The following STK39 variants were observed in gnomAD, a reference collection of about 807,000 sequenced individuals.
STK39 encodes the protein serine/threonine kinase 39, also known as STE20/SPS1-related proline-alanine-rich protein kinase.
In STK39, 20 loss-of-function variants were observed where a neutral mutation model predicts 77.8. That is an observed-to-expected ratio of 0.26 (90% CI 0.18 to 0.37). The LOEUF (loss-of-function observed/expected upper bound fraction) is 0.37, where lower values mean the gene tolerates loss of function less well. STK39 is among the 10% of genes least tolerant of loss of function. The probability of loss-of-function intolerance (pLI) is 1.00; values close to 1 mark genes in which losing one functional copy is unlikely to be tolerated. For missense variants in STK39, 479 were observed against 656.5 expected, an observed-to-expected ratio of 0.73 and a Z score of 2.95; for synonymous variants, 246 against 234.1, an observed-to-expected ratio of 1.05 and a Z score of -0.47.
At chr2:168,058,267 C>T (rs961244369) in intron 14 of STK39, among the ~76,000 whole-genome samples, 2 of 152,306 alleles carry the variant, frequency 1.3e-5, no homozygotes, top group East Asian at 1.9e-4. Context: ...CTATTGATAG[C>T]ATTTGATGCA....
chr2:168,050,073 C>G (rs975242337), intron 14 of STK39, among the ~76,000 whole-genome samples: 8 of 152,146 alleles, frequency 5.3e-5, no homozygotes, highest in African/African-American at 1.7e-4. Flanking sequence ...ATGATTGTCT[C>G]AAAACATAGA....
chr2:168,126,512 TA>T (rs1687546174), intron 10 of STK39, among the ~76,000 whole-genome samples: 1 of 152,160 alleles, frequency 6.6e-6, no homozygotes, highest in Non-Finnish European at 1.5e-5. Flanking sequence ...AAGTTTCCCA[TA>T]AGGATGATCA....
intron 5 of STK39, among the ~76,000 whole-genome samples, chr2:168,141,304 A>C (rs1024214947): frequency 9.8e-5 from 15 of 152,324 alleles, no homozygotes; most frequent in Admixed American, 8.5e-4. Flanking sequence ...TTCTCATTTT[A>C]AAATACTTGC....
At chr2:168,002,492 G>A (rs1684025999) in intron 16 of STK39, among the ~76,000 whole-genome samples, 6 of 152,196 alleles carry the variant, frequency 3.9e-5, no homozygotes, top group Admixed American at 3.9e-4. Flanking sequence ...TCTGCAGACA[G>A]ATAAGCACAG....
At chr2:168,007,556 T>C (rs1289449046) in intron 16 of STK39, among the ~76,000 whole-genome samples, 1 of 151,752 alleles carries the variant, frequency 6.6e-6, no homozygotes, top group Non-Finnish European at 1.5e-5. Context: ...TGGGGAGAGA[T>C]TAGGTAGAAT....
At chr2:168,098,878 T>C (rs1686744218) in intron 10 of STK39, among the ~76,000 whole-genome samples, 1 of 152,240 alleles carries the variant, frequency 6.6e-6, no homozygotes, top group African/African-American at 2.4e-5. Context: ...TGGCGAAGCC[T>C]GTAACAACAC....
At chr2:168,065,732 G>A (rs986212065) in intron 12 of STK39, among the ~76,000 whole-genome samples, 2 of 152,092 alleles carry the variant, frequency 1.3e-5, no homozygotes, top group Non-Finnish European at 2.9e-5. Flanking sequence ...AGATGTCCTA[G>A]GATAATTTTT....
At chr2:168,030,123 C>G (rs990134980) in intron 14 of STK39, among the ~76,000 whole-genome samples, 1 of 152,076 alleles carries the variant, frequency 6.6e-6, no homozygotes, top group Admixed American at 6.6e-5. Context: ...CGCCGGTAGT[C>G]CAGCTACTCG....
intron 7 of STK39, 115 bp downstream of exon 7, chr2:168,140,174 C>T: frequency 1.1e-6 from 1 of 877,084 alleles, no homozygotes; most frequent in Non-Finnish European, 1.9e-6. Flanking sequence ...TGGCTGCGTT[C>T]CTCCATTAAT....
intron 16 of STK39, among the ~76,000 whole-genome samples, chr2:167,971,911 C>A (rs1692356545): frequency 1.3e-5 from 2 of 152,226 alleles, no homozygotes; most frequent in African/African-American, 4.8e-5. Context: ...CAGTTCAATG[C>A]TGAGTGGCTG....
intron 14 of STK39, among the ~76,000 whole-genome samples, chr2:168,043,515 A>G (rs1379833292): frequency 6.6e-6 from 1 of 152,248 alleles, no homozygotes; most frequent in African/African-American, 2.4e-5. Context: ...CTGCTTCTAA[A>G]TTTTAAAACA....
chr2:168,016,892 G>T, intron 15 of STK39, 151 bp downstream of exon 15: 1 of 581,562 alleles, frequency 1.7e-6, no homozygotes, highest in Non-Finnish European at 2.9e-6. Flanking sequence ...ATCCTTAGAA[G>T]TATCAAAAGT....
At chr2:168,197,867 C>T (rs958536864) in intron 1 of STK39, among the ~76,000 whole-genome samples, 1 of 151,968 alleles carries the variant, frequency 6.6e-6, no homozygotes, top group African/African-American at 2.4e-5. Context: ...GAAACCCCAT[C>T]TCTACTAAAA....
At chr2:168,234,694 C>T (rs896996049) in intron 1 of STK39, among the ~76,000 whole-genome samples, 9 of 152,122 alleles carry the variant, frequency 5.9e-5, no homozygotes, top group Non-Finnish European at 1.3e-4. Flanking sequence ...GAAATGAAGA[C>T]ATTGTATATT....
At chr2:167,991,322 T>TAGC (rs1683695317) in intron 16 of STK39, among the ~76,000 whole-genome samples, 1 of 151,960 alleles carries the variant, frequency 6.6e-6, no homozygotes, top group African/African-American at 2.4e-5. Flanking sequence ...AACACTGGAA[T>TAGC]ACCCAGCCCT....
intron 1 of STK39, among the ~76,000 whole-genome samples, chr2:168,236,799 T>C (rs1340143052): frequency 1.3e-5 from 2 of 152,076 alleles, no homozygotes; most frequent in East Asian, 3.8e-4. Context: ...TTCTGTTCCA[T>C]TGGTCTATAT....
chr2:168,132,254 C>G (rs1336034191), intron 8 of STK39, among the ~76,000 whole-genome samples: 1 of 152,084 alleles, frequency 6.6e-6, no homozygotes, highest in Non-Finnish European at 1.5e-5. Context: ...TGAAAAAACT[C>G]AAGGCCCTGG....
At chr2:168,111,679 T>A (rs1687124230) in intron 10 of STK39, among the ~76,000 whole-genome samples, 1 of 152,210 alleles carries the variant, frequency 6.6e-6, no homozygotes, top group Admixed American at 6.6e-5. Context: ...GCAAAATTCA[T>A]TACAAATACA....
chr2:168,019,980 C>A (rs1291972547), intron 14 of STK39, among the ~76,000 whole-genome samples: 1 of 152,190 alleles, frequency 6.6e-6, no homozygotes, highest in Non-Finnish European at 1.5e-5. Flanking sequence ...GTTGGGATTA[C>A]AGGTGTAAGC....
Sources: allele counts gnomAD v4.1 joint callset (sites outside exome capture counted in the v4.1 genomes callset), GRCh38; gene constraint gnomAD v4.1.1; transcripts MANE v1.5; gene names NCBI Gene and HGNC (gene_info 2026-07-23, HGNC 2026-07-21).